The following PLXDC2 variants were observed in gnomAD, a reference collection of about 807,000 sequenced individuals.
PLXDC2 encodes plexin domain containing 2.
Under a neutral mutation model 68.9 loss-of-function variants are expected in PLXDC2, and 40 were observed. The observed-to-expected ratio is 0.58, with a 90% CI of 0.45 to 0.76. The LOEUF is 0.76. PLXDC2 is among the 30% of genes least tolerant of loss of function. The probability of loss-of-function intolerance (pLI) is 0.00; values close to 1 mark genes in which losing one functional copy is unlikely to be tolerated. For missense variants in PLXDC2, 644 were observed against 661.9 expected (o/e 0.97, Z 0.30); for synonymous variants, 243 against 234.2 (o/e 1.04, Z -0.34).
chr10:20,127,008 C>G, intron 4 of PLXDC2, among the ~76,000 whole-genome samples: 1 of 150,556 alleles, frequency 6.6e-6, no homozygotes, highest in East Asian at 1.9e-4. Flanking sequence ...ATGACATTAG[C>G]TTGAATCTAT....
intron 1 of PLXDC2, among the ~76,000 whole-genome samples, chr10:19,944,118 G>A (rs1833862852): frequency 6.6e-6 from 1 of 152,086 alleles, no homozygotes; most frequent in Admixed American, 6.6e-5. Context: ...AATCACTTTG[G>A]TATGCTTTCC....
At position 20,060,488 on chromosome 10, in the gene PLXDC2, T is replaced by TA. The variant is rs58942454; in HGVS notation, c.472-7660dup. ...ATGAAAACATCTGATCCTGGAATGT[T>TA]AAAAAAAAAAAAAAAAAAAAAAGTC... On this transcript the variant is annotated intron_variant, in intron 3 of 13. Transcript: ENST00000377252. 5.2e-3 allele frequency among the ~76,000 whole-genome samples: 726 copies of TA among 139,072 alleles called. 3 individuals are homozygous for TA. The highest frequency in any genetic ancestry group is 0.019 in the Middle Eastern group (5 of 258). 91.2% of individuals were successfully genotyped at this position (139,072 alleles called of 152,430 possible).
intron 13 of PLXDC2, among the ~76,000 whole-genome samples, chr10:20,262,810 G>A (rs1231047176): frequency 1.3e-5 from 2 of 152,338 alleles, no homozygotes; most frequent in East Asian, 3.9e-4. Context: ...CAGAAAAGTG[G>A]CCAGACTGTT....
chr10:20,070,387 C>A (rs2131708511), intron 4 of PLXDC2, among the ~76,000 whole-genome samples: 1 of 152,180 alleles, frequency 6.6e-6, no homozygotes, highest in Non-Finnish European at 1.5e-5. Flanking sequence ...CTATTGGTAC[C>A]AAATACAGAG....
intron 2 of PLXDC2, among the ~76,000 whole-genome samples, chr10:20,044,178 C>CTTCT (rs1191338149): frequency 8.3e-6 from 1 of 119,774 alleles, no homozygotes; most frequent in Admixed American, 8.6e-5. Context: ...TCTTTCTTTC[C>CTTCT]TTCTTTCTTT....
intron 4 of PLXDC2, among the ~76,000 whole-genome samples, chr10:20,093,287 A>G (rs1833305570): frequency 6.6e-6 from 1 of 152,174 alleles, no homozygotes; most frequent in Admixed American, 6.6e-5. Flanking sequence ...ATATTAGACC[A>G]TAATAATTTA....
At chr10:20,065,356 G>T (rs80001964) in intron 3 of PLXDC2, among the ~76,000 whole-genome samples, 2,188 of 152,232 alleles carry the variant, frequency 0.014, 56 homozygotes, top group African/African-American at 0.05. Context: ...CACCATGTTG[G>T]TGTGACTCTC....
chr10:19,987,754 T>C (rs7088396), intron 1 of PLXDC2, among the ~76,000 whole-genome samples: 89,698 of 151,554 alleles, frequency 0.59, 26,760 homozygotes, highest in South Asian at 0.63. Flanking sequence ...TTAGTAGAGA[T>C]GGGGTTTCAC....
chr10:19,971,695 C>T (rs1405880455), intron 1 of PLXDC2, among the ~76,000 whole-genome samples: 1 of 151,978 alleles, frequency 6.6e-6, no homozygotes, highest in Non-Finnish European at 1.5e-5. Flanking sequence ...TGTGTTTTTT[C>T]CATTTATTCA....
chr10:19,887,860 A>AGCTTT (rs1362460757), intron 1 of PLXDC2, among the ~76,000 whole-genome samples: 7 of 152,252 alleles, frequency 4.6e-5, no homozygotes, highest in African/African-American at 1.7e-4. Context: ...GCTTTTTATA[A>AGCTTT]TTACATAGAC....
chr10:19,817,501 T>C (rs1332714711), intron 1 of PLXDC2, among the ~76,000 whole-genome samples: 1 of 152,084 alleles, frequency 6.6e-6, no homozygotes, highest in Non-Finnish European at 1.5e-5. Flanking sequence ...CGTGGATACA[T>C]CTCCTAGGAC....
chr10:20,120,121 T>G (rs1051031801), intron 4 of PLXDC2, among the ~76,000 whole-genome samples: 127 of 152,172 alleles, frequency 8.3e-4, no homozygotes, highest in African/African-American at 3.0e-3. Context: ...GTATGAGTAG[T>G]TGAGAACGGT....
intron 1 of PLXDC2, among the ~76,000 whole-genome samples, chr10:19,971,037 A>G (rs534405942): frequency 1.3e-5 from 2 of 152,258 alleles, no homozygotes; most frequent in Admixed American, 1.3e-4. Flanking sequence ...TAGAAACTTC[A>G]AGTTCTGCTC....
At chr10:20,201,466 T>C (rs1195547954) in intron 9 of PLXDC2, among the ~76,000 whole-genome samples, 1 of 151,986 alleles carries the variant, frequency 6.6e-6, no homozygotes, top group Non-Finnish European at 1.5e-5. Context: ...AGGAGTAAGT[T>C]CTAATGTTCT....
At chr10:19,852,006 A>C (rs531051282) in intron 1 of PLXDC2, among the ~76,000 whole-genome samples, 1 of 152,218 alleles carries the variant, frequency 6.6e-6, no homozygotes, top group Non-Finnish European at 1.5e-5. Flanking sequence ...AAGGTAATCT[A>C]GGATCTTGTT....
intron 2 of PLXDC2, among the ~76,000 whole-genome samples, chr10:20,040,825 G>T (rs1835670026): frequency 6.6e-6 from 1 of 152,082 alleles, no homozygotes; most frequent in Non-Finnish European, 1.5e-5. Context: ...TCAGTGCCAG[G>T]TATACAACCT....
chr10:19,878,183 A>AT (rs61093467), intron 1 of PLXDC2, among the ~76,000 whole-genome samples: 150,605 of 150,730 alleles, frequency 1, 75,240 homozygotes, highest in Middle Eastern at 1. Flanking sequence ...GGCATCACAT[A>AT]TTTTTTTTTA....
chr10:19,878,499 A>G (rs1837674226), intron 1 of PLXDC2, among the ~76,000 whole-genome samples: 1 of 152,234 alleles, frequency 6.6e-6, no homozygotes, highest in African/African-American at 2.4e-5. Context: ...TAGCTGAAGT[A>G]AAATAATTTT....
chr10:20,229,685 G>A (rs16920137), intron 12 of PLXDC2, among the ~76,000 whole-genome samples: 19,343 of 152,012 alleles, frequency 0.13, 1,625 homozygotes, highest in African/African-American at 0.23. Context: ...TGCTCCTCCC[G>A]TTAAGACTAA....
Sources: gnomAD v4.1 joint callset for allele counts (sites outside exome capture counted in the v4.1 genomes callset) on GRCh38, gnomAD v4.1.1 for gene constraint, MANE v1.5 for transcripts, NCBI Gene and HGNC (gene_info 2026-07-23, HGNC 2026-07-21) for gene names.